Variants in MEI4 observed in about 807,000 individuals in gnomAD.
The protein encoded by MEI4 is meiosis-specific protein MEI4.
A neutral mutation model predicts 31.4 loss-of-function variants in MEI4; 27 were observed. The observed-to-expected ratio is 0.86, with a 90% CI of 0.63 to 1.19. The LOEUF (loss-of-function observed/expected upper bound fraction) is 1.19. Ranked by LOEUF, MEI4 falls within the 50% of genes most tolerant of loss-of-function variation. The pLI is 0.00. For synonymous variants in MEI4, 122 were observed against 145.4 expected (o/e 0.84, Z 1.16); for missense variants, 329 against 398.9 (o/e 0.82, Z 1.49).
intron 4 of MEI4, among the ~76,000 whole-genome samples, chr6:77,888,265 T>G (rs1485589014): frequency 6.6e-6 from 1 of 152,146 alleles, no homozygotes; most frequent in Non-Finnish European, 1.5e-5. Context: ...TTTAGAATAT[T>G]ATTGATAGGT....
intron 3 of MEI4, among the ~76,000 whole-genome samples, chr6:77,791,365 G>A (rs1343784421): frequency 6.6e-6 from 1 of 151,660 alleles, no homozygotes; most frequent in East Asian, 1.9e-4. Flanking sequence ...AAAATGATGA[G>A]TTCATGTCCT....
At chr6:77,863,725 G>C (rs1362396471) in intron 4 of MEI4, among the ~76,000 whole-genome samples, 1 of 152,134 alleles carries the variant, frequency 6.6e-6, no homozygotes, top group Non-Finnish European at 1.5e-5. Flanking sequence ...AGGAAACACA[G>C]AGAATGCCAC....
Position 77,734,505 on chromosome 6 carries a change from A to G in MEI4, c.233-26625A>G, listed in dbSNP as rs189141033. Among the ~76,000 whole-genome samples, 1,078 of 151,860 alleles carry G rather than the reference A, an allele frequency of 7.1e-3. 24 individuals are homozygous for G. The highest frequency in any genetic ancestry group is 0.024 in the African/African-American group (1,011 of 41,306). The stretch of plus-strand genomic sequence containing the variant: ...CATTTGCTTGGTAGATCTTCCTCCA[A>G]TCTTTTATTTTGAGCCTATTTGTGT... On this transcript the variant is annotated intron_variant, in intron 2 of 4. Transcript: ENST00000684080.
chr6:77,808,519 T>C (rs1036669250), intron 3 of MEI4, among the ~76,000 whole-genome samples: 1 of 152,028 alleles, frequency 6.6e-6, no homozygotes, highest in Admixed American at 6.6e-5. Context: ...GTAAAAAAAA[T>C]GAAAACAGGA....
intron 4 of MEI4, among the ~76,000 whole-genome samples, chr6:77,885,951 G>A (rs2127730339): frequency 6.6e-6 from 1 of 152,138 alleles, no homozygotes; most frequent in South Asian, 2.1e-4. Context: ...TTGATATAAT[G>A]TATCTTGTTT....
At position 77,678,543 on chromosome 6, in the gene MEI4, T is replaced by C. The variant is rs562048494; in HGVS notation, c.-14-12115T>C. Among the ~76,000 whole-genome samples, 14 of 11,046 alleles carry C rather than the reference T, an allele frequency of 1.3e-3. No individual in the cohort carries two copies. In the South Asian group the frequency reaches 0.019, roughly 15 times the overall value. 7.2% of individuals were successfully genotyped at this position (11,046 alleles called of 152,430 possible). A position where few individuals can be genotyped will look rare whatever the true frequency, so the allele number is the denominator to read the frequency against. On this transcript the variant is annotated intron_variant, in intron 1 of 4. Transcript: ENST00000684080. ...GAAAAATCCTTGTCTCCTGGTAACT[T>C]AGGAGCCATCAATGTTTGTGGTGAT... is the stretch of plus-strand genomic sequence containing the variant.
chr6:77,743,094 G>C (rs1224253621), intron 2 of MEI4, among the ~76,000 whole-genome samples: 1 of 152,090 alleles, frequency 6.6e-6, no homozygotes, highest in East Asian at 1.9e-4. Flanking sequence ...GGATTGACTT[G>C]GCGATGCGGG....
chr6:77,705,594 C>G (rs1766313538), intron 2 of MEI4, among the ~76,000 whole-genome samples: 1 of 152,052 alleles, frequency 6.6e-6, no homozygotes, highest in African/African-American at 2.4e-5. Flanking sequence ...ACAAAACCAG[C>G]AGAGAAGTAT....
At chr6:77,742,907 G>A (rs1380898479) in intron 2 of MEI4, among the ~76,000 whole-genome samples, 2 of 151,950 alleles carry the variant, frequency 1.3e-5, no homozygotes, top group African/African-American at 4.8e-5. Context: ...TTTTTCACAG[G>A]TTTGTCAAAG....
At chr6:77,750,554 C>A (rs1767742480) in intron 2 of MEI4, among the ~76,000 whole-genome samples, 2 of 152,190 alleles carry the variant, frequency 1.3e-5, no homozygotes, top group South Asian at 4.2e-4. Context: ...GGGATCAATA[C>A]AACAAGAAGA....
intron 2 of MEI4, among the ~76,000 whole-genome samples, chr6:77,706,041 TC>T (rs1766324648): frequency 6.6e-6 from 1 of 152,086 alleles, no homozygotes; most frequent in South Asian, 2.1e-4. Flanking sequence ...AGAAGCAAAG[TC>T]CCTTTCTGAC....
intron 2 of MEI4, among the ~76,000 whole-genome samples, chr6:77,740,924 G>A (rs7741909): frequency 6.6e-6 from 1 of 151,768 alleles, no homozygotes; most frequent in Admixed American, 6.6e-5. Context: ...GAAGAACCTC[G>A]TCTTTACAAT....
At chr6:77,745,034 A>G (rs982952467) in intron 2 of MEI4, among the ~76,000 whole-genome samples, 3 of 152,240 alleles carry the variant, frequency 2.0e-5, no homozygotes, top group Admixed American at 6.5e-5. Flanking sequence ...TGTAAAGACC[A>G]TTGAGGCTAG....
At chr6:77,893,687 G>C (rs1477758701) in intron 4 of MEI4, among the ~76,000 whole-genome samples, 1 of 152,104 alleles carries the variant, frequency 6.6e-6, no homozygotes, top group African/African-American at 2.4e-5. Flanking sequence ...TCCCTTTCTT[G>C]TTCTATACTC....
intron 3 of MEI4, among the ~76,000 whole-genome samples, chr6:77,770,611 T>A (rs1470609304): frequency 2.0e-5 from 3 of 152,054 alleles, no homozygotes; most frequent in African/African-American, 4.8e-5. Flanking sequence ...ACTATAGGGC[T>A]ACAGTAAATG....
At chr6:77,873,431 G>A (rs1213681231) in intron 4 of MEI4, among the ~76,000 whole-genome samples, 1 of 152,100 alleles carries the variant, frequency 6.6e-6, no homozygotes, top group Middle Eastern at 3.2e-3. Flanking sequence ...CATGTCCTTT[G>A]CCCACTTTTT....
intron 1 of MEI4, among the ~76,000 whole-genome samples, chr6:77,686,359 G>T (rs62418201): frequency 0.13 from 20,452 of 152,044 alleles, 1,461 homozygotes; most frequent in Middle Eastern, 0.2. Context: ...CAGTAAGTCT[G>T]TCTTTTCTCT....
intron 3 of MEI4, among the ~76,000 whole-genome samples, chr6:77,806,072 T>C (rs1373238982): frequency 2.0e-5 from 3 of 152,098 alleles, no homozygotes; most frequent in Non-Finnish European, 4.4e-5. Context: ...GGAAAATGTA[T>C]GTCCAAAATC....
chr6:77,925,541 T>TCTTAACATTC lies in MEI4; in HGVS notation c.*2195_*2196insCTTAACATTC, dbSNP rs1476328027. ...AATGATTTAAACTGGTATTACAATG[T>TCTTAACATTC]TTAAGAATGTTATAACAGTTTATAT... On this transcript the variant is annotated 3_prime_UTR_variant, in exon 5 of 5. Transcript: ENST00000684080. The TCTTAACATTC allele has an allele frequency of 5.3e-5, 8 of 151,666 alleles. No individual in the cohort carries two copies. Among genetic ancestry groups the TCTTAACATTC allele is most frequent in the Non-Finnish European group, 1.2e-4 (8 of 67,852 alleles). The allele number at this position is 151,666 out of a possible 1,614,324, so 9.4% of individuals were successfully genotyped here. A position where few individuals can be genotyped will look rare whatever the true frequency, so the allele number is the denominator to read the frequency against.
Sources: allele counts gnomAD v4.1 joint callset (sites outside exome capture counted in the v4.1 genomes callset), GRCh38; gene constraint gnomAD v4.1.1; transcripts MANE v1.5; gene names NCBI Gene and HGNC (gene_info 2026-07-23, HGNC 2026-07-21).